Variants in LYSMD2 observed in about 807,000 individuals in gnomAD.
The protein encoded by LYSMD2 is lysM and putative peptidoglycan-binding domain-containing protein 2.
LYSMD2 carries 6 observed loss-of-function variants against 17.7 expected under a neutral mutation model. The observed-to-expected ratio is 0.34, with a 90% CI of 0.19 to 0.67. The LOEUF (loss-of-function observed/expected upper bound fraction) is 0.67, where lower values mean the gene tolerates loss of function less well. LYSMD2 is among the 30% of genes least tolerant of loss of function. The pLI is 0.69. For missense variants in LYSMD2, 237 were observed against 286.7 expected, an observed-to-expected ratio of 0.83 and a Z score of 1.25; for synonymous variants, 102 against 129.8, an observed-to-expected ratio of 0.79 and a Z score of 1.45.
chr15:51,745,843 G>T (rs959322712), intron 1 of LYSMD2, among the ~76,000 whole-genome samples: 1 of 152,152 alleles, frequency 6.6e-6, no homozygotes, highest in African/African-American at 2.4e-5. Context: ...TGGCAAGTAA[G>T]CACATGAAAA....
At chr15:51,733,055 A>G (rs555107035) in intron 1 of LYSMD2, among the ~76,000 whole-genome samples, 34 of 152,332 alleles carry the variant, frequency 2.2e-4, no homozygotes, top group African/African-American at 7.9e-4. Context: ...AAAGTGATCT[A>G]GTCCAACTAT....
At chr15:51,733,825 G>C (rs1020244123) in intron 1 of LYSMD2, among the ~76,000 whole-genome samples, 1 of 152,172 alleles carries the variant, frequency 6.6e-6, no homozygotes. Flanking sequence ...AGATGGAACA[G>C]CAAGTGCAAG....
intron 1 of LYSMD2, among the ~76,000 whole-genome samples, chr15:51,728,348 G>A (rs2055553721): frequency 6.6e-6 from 1 of 151,680 alleles, no homozygotes; most frequent in Non-Finnish European, 1.5e-5. Context: ...GAAGGTGGGA[G>A]GCAGAGGTTG....
intron 1 of LYSMD2, among the ~76,000 whole-genome samples, chr15:51,729,775 T>C (rs900295658): frequency 2.6e-5 from 4 of 152,346 alleles, no homozygotes; most frequent in African/African-American, 7.2e-5. Context: ...GTATGTTTTA[T>C]ACTTCTGTCT....
upstream of LYSMD2, among the ~76,000 whole-genome samples, chr15:51,742,192 G>A (rs1018088706): frequency 5.9e-5 from 9 of 151,964 alleles, no homozygotes; most frequent in South Asian, 1.5e-3. Context: ...GGCCTGCACC[G>A]CCATGCCCAG....
At chr15:51,746,737 C>G (rs1281270945) in intron 1 of LYSMD2, among the ~76,000 whole-genome samples, 1 of 152,082 alleles carries the variant, frequency 6.6e-6, no homozygotes, top group African/African-American at 2.4e-5. Context: ...CCCCACCCCA[C>G]CACTCTACCC....
intron 1 of LYSMD2, among the ~76,000 whole-genome samples, chr15:51,726,248 G>T (rs1381256927): frequency 1.3e-5 from 2 of 152,180 alleles, no homozygotes; most frequent in African/African-American, 4.8e-5. Context: ...GCCTTTTAGA[G>T]ACAAAATTAA....
exon 1 of LYSMD2, chr15:51,751,375 C>T (rs1409449943): frequency 1.4e-6 from 1 of 702,258 alleles, no homozygotes; most frequent in Non-Finnish European, 2.6e-6. Context: ...GAGCCCCGAG[C>T]GTCTCCAAAG....
chr15:51,747,138 T>A (rs1444176891), intron 1 of LYSMD2, among the ~76,000 whole-genome samples: 1 of 151,226 alleles, frequency 6.6e-6, no homozygotes, highest in Admixed American at 6.6e-5. Flanking sequence ...AGGCAGAGGT[T>A]GCAGTGAGCC....
At chr15:51,729,261 AT>A (rs1477957732) in intron 1 of LYSMD2, among the ~76,000 whole-genome samples, 2 of 152,250 alleles carry the variant, frequency 1.3e-5, no homozygotes, top group African/African-American at 2.4e-5. Flanking sequence ...TTTGGAATTT[AT>A]TTTAAATGTG....
chr15:51,751,168 C>T lies in LYSMD2; in HGVS notation c.-1+103G>A, dbSNP rs570768941. 50 of 671,330 alleles carry T rather than the reference C, an allele frequency of 7.4e-5. No homozygotes were observed. In the East Asian group the frequency reaches 1.0e-3, roughly 14 times the overall value. The allele number at this position is 671,330 out of a possible 1,614,324, so 41.6% of individuals were successfully genotyped here. A position where few individuals can be genotyped will look rare whatever the true frequency, so the allele number is the denominator to read the frequency against. ...CATCACCCTAGAGCCTTGCTAACTTCCACCTCGCTTACCTCCTTCCCTCCC... is the reference window on the plus strand; with the variant it reads ...CATCACCCTAGAGCCTTGCTAACTTTCACCTCGCTTACCTCCTTCCCTCCC... On this transcript the variant is annotated intron_variant, in intron 1 of 2. Coordinates refer to the LYSMD2 transcript ENST00000454181.
At chr15:51,746,075 A>G (rs2055666327) in intron 1 of LYSMD2, among the ~76,000 whole-genome samples, 2 of 152,226 alleles carry the variant, frequency 1.3e-5, no homozygotes, top group South Asian at 2.1e-4. Flanking sequence ...TAAAGTTACC[A>G]TATGACACAG....
intron 1 of LYSMD2, among the ~76,000 whole-genome samples, chr15:51,736,639 A>C (rs2055610878): frequency 6.6e-6 from 1 of 152,238 alleles, no homozygotes; most frequent in Admixed American, 6.5e-5. Context: ...GTTAATTATA[A>C]GTAATTTTAA....
intron 1 of LYSMD2, among the ~76,000 whole-genome samples, chr15:51,727,296 T>C (rs1426989873): frequency 6.6e-6 from 1 of 152,140 alleles, no homozygotes; most frequent in African/African-American, 2.4e-5. Flanking sequence ...TCCAGTTGGT[T>C]TTCAAACAGC....
At chr15:51,750,542 T>G (rs1429845654) in intron 1 of LYSMD2, among the ~76,000 whole-genome samples, 3 of 152,170 alleles carry the variant, frequency 2.0e-5, no homozygotes, top group Non-Finnish European at 4.4e-5. Context: ...AGCAGCAACT[T>G]GCAAAACTCA....
intron 2 of LYSMD2, among the ~76,000 whole-genome samples, chr15:51,723,879 T>C (rs1336772559): frequency 1.3e-5 from 2 of 151,724 alleles, no homozygotes; most frequent in African/African-American, 4.8e-5. Flanking sequence ...TTTATGTATT[T>C]ATATTTGCTT....
At chr15:51,745,952 C>T (rs2055665690) in intron 1 of LYSMD2, among the ~76,000 whole-genome samples, 2 of 152,074 alleles carry the variant, frequency 1.3e-5, no homozygotes, top group African/African-American at 2.4e-5. Flanking sequence ...AAGACATTAA[C>T]GAGTGTTAGC....
In LYSMD2 at chr15:51,737,124, G is replaced by A. The variant is rs1052697654; in HGVS notation, c.273+226C>T. Among the ~76,000 whole-genome samples, 2 of 152,172 alleles carry A rather than the reference G, an allele frequency of 1.3e-5. No homozygotes were observed. Among genetic ancestry groups the A allele is most frequent in the East Asian group, 1.9e-4 (1 of 5,190 alleles). ...CCTAGGGAGGGAGCCCTGGCGGTCC[G>A]CCCCTCCCGCTGCAGGACCAGCTTT... On this transcript the variant is annotated intron_variant, in intron 1 of 2. Transcript: ENST00000267838. This position sits in a 1 kb window ranked among gnomAD's most constrained non-coding sequence, Gnocchi z 4.2.
intron 1 of LYSMD2, among the ~76,000 whole-genome samples, chr15:51,731,103 A>G (rs2055573853): frequency 6.6e-6 from 1 of 152,210 alleles, no homozygotes; most frequent in Non-Finnish European, 1.5e-5. Flanking sequence ...AGAGGAATGG[A>G]TGGGCATGGG....
Sources: allele counts gnomAD v4.1 joint callset (sites outside exome capture counted in the v4.1 genomes callset), GRCh38; gene constraint gnomAD v4.1.1; non-coding constraint Gnocchi (gnomAD v3.1); transcripts MANE v1.5; gene names NCBI Gene and HGNC (gene_info 2026-07-23, HGNC 2026-07-21).